The following EDAR variants were observed in gnomAD, a reference collection of about 807,000 sequenced individuals.
EDAR encodes the protein tumor necrosis factor receptor superfamily member EDAR.
In EDAR, 38 loss-of-function variants were observed where a neutral mutation model predicts 51.3. The observed-to-expected ratio is 0.74, with a 90% CI of 0.57 to 0.97. The LOEUF is 0.97. Among genes scored for constraint, EDAR ranks in the 50% least tolerant of loss-of-function variants. EDAR has a pLI of 0.00. For synonymous variants in EDAR, 227 were observed against 242.1 expected (o/e 0.94, Z 0.58); for missense variants, 528 against 595.0 (o/e 0.89, Z 1.17).
chr2:108,975,686 C>T (rs1199214895), intron 1 of EDAR, among the ~76,000 whole-genome samples: 3 of 152,132 alleles, frequency 2.0e-5, no homozygotes, highest in South Asian at 4.2e-4. Flanking sequence ...GCTTGCGAAG[C>T]CCCTGGCCAG....
chr2:108,966,097 T>C (rs1337798809), intron 1 of EDAR, among the ~76,000 whole-genome samples: 1 of 152,178 alleles, frequency 6.6e-6, no homozygotes, highest in African/African-American at 2.4e-5. Flanking sequence ...GCCTTGGAGT[T>C]CTGTTAAGAA....
intron 5 of EDAR, among the ~76,000 whole-genome samples, chr2:108,917,769 A>G (rs191208822): frequency 1.4e-3 from 218 of 152,188 alleles, no homozygotes; most frequent in Admixed American, 3.5e-3. Flanking sequence ...CACTACACAT[A>G]TAACCCACAA....
At chr2:108,906,049 G>A (rs1696797025) in intron 11 of EDAR, among the ~76,000 whole-genome samples, 1 of 146,658 alleles carries the variant, frequency 6.8e-6, no homozygotes, top group African/African-American at 2.8e-5. Context: ...TTTCCCTACA[G>A]TGGGTGCCTG....
At chr2:108,925,695 G>A (rs1031534027) in intron 4 of EDAR, among the ~76,000 whole-genome samples, 5 of 151,914 alleles carry the variant, frequency 3.3e-5, no homozygotes, top group South Asian at 2.1e-4. Context: ...TTGGCTCACC[G>A]CAACTTCCGC....
intron 1 of EDAR, among the ~76,000 whole-genome samples, chr2:108,968,692 C>T (rs1379045635): frequency 6.6e-6 from 1 of 152,174 alleles, no homozygotes; most frequent in East Asian, 1.9e-4. Flanking sequence ...AATTTGCCCC[C>T]TTTACTCTGG....
chr2:108,896,713 C>T lies in EDAR; in HGVS notation c.*194G>A. 1 of 611,514 alleles carries T rather than the reference C, an allele frequency of 1.6e-6. No homozygotes were observed. Among genetic ancestry groups the T allele is most frequent in the Non-Finnish European group, 2.9e-6 (1 of 349,842 alleles). 37.9% of individuals were successfully genotyped at this position (611,514 alleles called of 1,614,324 possible). ...GTACAGGCGAGCATCTGAAAGTATCCCGGCTCTAGTCCTTTATCTTTGGTT... is the reference window on the plus strand; with the variant it reads ...GTACAGGCGAGCATCTGAAAGTATCTCGGCTCTAGTCCTTTATCTTTGGTT... On this transcript the variant is annotated 3_prime_UTR_variant, in exon 12 of 12. Coordinates refer to ENST00000258443, the MANE Select transcript of EDAR (RefSeq NM_022336.4).
intron 1 of EDAR, among the ~76,000 whole-genome samples, chr2:108,942,622 C>T (rs1697626041): frequency 6.6e-6 from 1 of 152,242 alleles, no homozygotes; most frequent in South Asian, 2.1e-4. Flanking sequence ...GTGAGGCGGG[C>T]GGTTCCGCCA....
At chr2:108,962,702 G>GAT in intron 1 of EDAR, among the ~76,000 whole-genome samples, 1 of 122,404 alleles carries the variant, frequency 8.2e-6, no homozygotes. Context: ...AAAAAAAAAA[G>GAT]AGAGAAAGGA....
At chr2:108,911,474 G>A (rs1381397985) in intron 6 of EDAR, among the ~76,000 whole-genome samples, 1 of 152,208 alleles carries the variant, frequency 6.6e-6, no homozygotes. Flanking sequence ...GGATGCGAAA[G>A]TCAGCTCTGG....
chr2:108,966,520 C>G (rs1698153726), intron 1 of EDAR, among the ~76,000 whole-genome samples: 2 of 152,178 alleles, frequency 1.3e-5, no homozygotes, highest in South Asian at 4.1e-4. Context: ...TCAGCCATAC[C>G]CTGTGCTCTT....
intron 1 of EDAR, among the ~76,000 whole-genome samples, chr2:108,954,983 C>T (rs185027055): frequency 8.5e-4 from 130 of 152,198 alleles, no homozygotes; most frequent in Non-Finnish European, 1.5e-3. Flanking sequence ...CAGACCTGGC[C>T]GGGAAGATAA....
chr2:108,957,608 G>A (rs924674131), intron 1 of EDAR, among the ~76,000 whole-genome samples: 6 of 152,180 alleles, frequency 3.9e-5, no homozygotes, highest in East Asian at 1.9e-4. Flanking sequence ...CTGGATAAAC[G>A]TGGGTTAAGA....
chr2:108,936,389 C>T (rs899780170), intron 1 of EDAR, among the ~76,000 whole-genome samples: 3 of 152,234 alleles, frequency 2.0e-5, no homozygotes, highest in African/African-American at 7.2e-5. Flanking sequence ...GTGGCTGGCC[C>T]ACTCAGCTCC....
chr2:108,972,261 G>A (rs1020178625), intron 1 of EDAR, among the ~76,000 whole-genome samples: 9 of 152,268 alleles, frequency 5.9e-5, no homozygotes, highest in African/African-American at 2.2e-4. Context: ...ACCCCTGTAA[G>A]AGACCAACTT....
At chr2:108,942,563 G>C (rs1257043342) in intron 1 of EDAR, among the ~76,000 whole-genome samples, 1 of 152,260 alleles carries the variant, frequency 6.6e-6, no homozygotes, top group East Asian at 1.9e-4. Flanking sequence ...TCCCGTTCTA[G>C]AAGACATAAA....
intron 1 of EDAR, among the ~76,000 whole-genome samples, chr2:108,931,748 T>C (rs780109536): frequency 5.9e-5 from 9 of 152,178 alleles, no homozygotes; most frequent in Non-Finnish European, 1.3e-4. Flanking sequence ...TGCTTGTTTT[T>C]TCACTTTCTG....
At chr2:108,924,597 T>C (rs1032048437) in intron 4 of EDAR, among the ~76,000 whole-genome samples, 4 of 152,224 alleles carry the variant, frequency 2.6e-5, no homozygotes, top group African/African-American at 9.7e-5. Context: ...ACGGTAGTGC[T>C]AAGCAGCAGC....
In EDAR at chr2:108,930,292, T is replaced by C. The variant is rs776572958; in HGVS notation, c.52-50A>G. 8.7e-6 allele frequency: 14 copies of C among 1,612,682 alleles called. No individual in the cohort carries two copies. The Admixed American group carries it at 1.5e-4, about 17-fold the overall frequency. ...GCCTCCGTACCTCCTTAGAAACACA[T>C]GTGACTCCTGCAAGACCCCAAGGTT... On this transcript the variant is annotated intron_variant, in intron 2 of 11. Transcript: ENST00000258443.
intron 1 of EDAR, among the ~76,000 whole-genome samples, chr2:108,971,899 A>G (rs2104442958): frequency 6.6e-6 from 1 of 152,328 alleles, no homozygotes; most frequent in African/African-American, 2.4e-5. Context: ...CACCAAAGGC[A>G]CTGAGCTTCC....
Sources: gnomAD v4.1 joint callset for allele counts (sites outside exome capture counted in the v4.1 genomes callset) on GRCh38, gnomAD v4.1.1 for gene constraint, MANE v1.5 for transcripts, NCBI Gene and HGNC (gene_info 2026-07-23, HGNC 2026-07-21) for gene names.